JARID2: variants seen among roughly 807,000 people sequenced by gnomAD.
JARID2 encodes protein Jumonji.
In JARID2, 21 loss-of-function variants were observed where a neutral mutation model predicts 125.6. The ratio of observed to expected loss-of-function variants is 0.17; its 90% CI spans 0.12 to 0.24. The LOEUF (loss-of-function observed/expected upper bound fraction) is 0.24, where lower values mean the gene tolerates loss of function less well. Among genes scored for constraint, JARID2 ranks in the 10% least tolerant of loss-of-function variants. The pLI is 1.00. For missense variants in JARID2, 1,303 were observed against 1,639.6 expected (o/e 0.79, Z 3.55); for synonymous variants, 736 against 661.6 (o/e 1.11, Z -1.73).
At chr6:15,281,985 A>G (rs1278043144) in intron 1 of JARID2, among the ~76,000 whole-genome samples, 1 of 149,926 alleles carries the variant, frequency 6.7e-6, no homozygotes, top group East Asian at 2.0e-4. Context: ...AGTCTTGCTC[A>G]GTTGCCAAGG....
intron 5 of JARID2, among the ~76,000 whole-genome samples, chr6:15,475,244 C>A (rs757657476): frequency 6.6e-6 from 1 of 152,214 alleles, no homozygotes; most frequent in African/African-American, 2.4e-5. Context: ...TGAAACAGAT[C>A]TTCCTATAGA....
At chr6:15,300,737 G>C (rs1387037266) in intron 1 of JARID2, among the ~76,000 whole-genome samples, 2 of 150,402 alleles carry the variant, frequency 1.3e-5, no homozygotes, top group Non-Finnish European at 3.0e-5. Context: ...GAGAGAGAGA[G>C]AGAGAGAGAG....
rs757474594 is a variant in JARID2, at chr6:15,496,248, G to A, written c.1023G>A (p.Thr341=). The A allele has an allele frequency of 6.8e-6, 11 of 1,614,074 alleles. No individual in the cohort carries two copies. Among genetic ancestry groups the A allele is most frequent in the Non-Finnish European group, 9.3e-6 (11 of 1,180,038 alleles). ...SPSKTVKYTA[T]VTKGAVTYTK... ...CCAAAACTGTGAAGTACACTGCCAC[G>A]GTGACGAAGGGGGCTGTCACATACA... is the stretch of plus-strand genomic sequence containing the variant. Residue 341 remains threonine (T), a synonymous_variant, in exon 7 of 18, where the codon ACG becomes ACA. Coordinates refer to ENST00000341776, the MANE Select transcript of JARID2 (RefSeq NM_004973.4).
At chr6:15,397,813 A>G (rs1287183132) in intron 2 of JARID2, among the ~76,000 whole-genome samples, 1 of 152,144 alleles carries the variant, frequency 6.6e-6, no homozygotes, top group African/African-American at 2.4e-5. Context: ...TCTAAGAGAA[A>G]CTCTAGTGCA....
intron 3 of JARID2, among the ~76,000 whole-genome samples, chr6:15,445,057 T>C (rs1011740842): frequency 6.6e-6 from 1 of 152,126 alleles, no homozygotes; most frequent in African/African-American, 2.4e-5. Flanking sequence ...GAAATTGCTG[T>C]TGTGCCGCAG....
At chr6:15,309,649 T>G (rs1761948078) in intron 1 of JARID2, among the ~76,000 whole-genome samples, 1 of 152,078 alleles carries the variant, frequency 6.6e-6, no homozygotes, top group Non-Finnish European at 1.5e-5. Flanking sequence ...ATATAATATA[T>G]AAAGCATACA....
rs1770420427 is a variant in JARID2, at chr6:15,496,325, C to T, written c.1100C>T (p.Pro367Leu). 1.2e-6 allele frequency: 2 copies of T among 1,614,200 alleles called. No individual in the cohort carries two copies. Among genetic ancestry groups the T allele is most frequent in the African/African-American group, 1.3e-5 (1 of 75,044 alleles). ...VKDTKPNHHK[P>L]SSAVNHTISG... is the part of the protein sequence containing the mutation. ...GACACCAAACCCAATCACCACAAGC[C>T]CAGTTCCGCTGTCAACCACACAATC... The change falls in exon 7 of 18, where the codon CCC becomes CTC. Residue 367 changes from proline to leucine, a missense_variant. By Grantham distance (98) the Pro-to-Leu change is moderately conservative. Transcript: ENST00000341776.
rs186488359 is a variant in JARID2 at position 15,520,198 on chromosome 6, C to G, written c.3688C>G (p.Pro1230Ala). 6.2e-7 allele frequency: 1 copy of G among 1,613,524 alleles called. No homozygotes were observed. Among genetic ancestry groups the G allele is most frequent in the Non-Finnish European group, 8.5e-7 (1 of 1,179,750 alleles). The change falls in exon 18 of 18, where the codon CCC becomes GCC. Residue 1230 changes from proline (P) to alanine (A), a missense_variant. Around this residue, in one of 11 missense-constraint regions of JARID2, gnomAD observed 75 missense variants for 66.0 expected, o/e 1.14. Coordinates refer to ENST00000341776, the MANE Select transcript of JARID2 (RefSeq NM_004973.4). ...PRKRATVDVP[P>A]SRLSASSSSK... ...CAAGAGAGCGACAGTGGACGTGCCC[C>G]CCTCCCGTCTGTCAGCCTCCAGTTC... is the stretch of plus-strand genomic sequence containing the variant.
intron 2 of JARID2, among the ~76,000 whole-genome samples, chr6:15,389,534 C>T (rs1395223432): frequency 2.6e-5 from 4 of 152,216 alleles, no homozygotes; most frequent in African/African-American, 7.2e-5. Context: ...TAGGGGCTCC[C>T]CCAGCAGTGT....
intron 3 of JARID2, among the ~76,000 whole-genome samples, chr6:15,446,674 C>T (rs1029717728): frequency 1.3e-5 from 2 of 152,194 alleles, no homozygotes; most frequent in Non-Finnish European, 2.9e-5. Flanking sequence ...GGATCAAATC[C>T]GTAAATGGTC....
At chr6:15,374,448 G>A (rs1764277885) in intron 2 of JARID2, among the ~76,000 whole-genome samples, 196 bp downstream of exon 2, 1 of 152,186 alleles carries the variant, frequency 6.6e-6, no homozygotes, top group Non-Finnish European at 1.5e-5. Context: ...TATGTACCGC[G>A]TTATATAGTG....
At chr6:15,437,971 A>G (rs1238404946) in intron 3 of JARID2, among the ~76,000 whole-genome samples, 2 of 152,088 alleles carry the variant, frequency 1.3e-5, no homozygotes, top group South Asian at 2.1e-4. Flanking sequence ...AGAAGATAGA[A>G]TATTTTTGTC....
At chr6:15,485,105 C>T (rs1383425819) in intron 5 of JARID2, among the ~76,000 whole-genome samples, 1 of 152,228 alleles carries the variant, frequency 6.6e-6, no homozygotes, top group Non-Finnish European at 1.5e-5. Flanking sequence ...ATTTGAAACT[C>T]TCCATTTTCT....
intron 17 of JARID2, among the ~76,000 whole-genome samples, chr6:15,518,160 G>A (rs1040149679): frequency 2.0e-5 from 3 of 152,256 alleles, no homozygotes; most frequent in Admixed American, 1.3e-4. Context: ...TCCAGGCACA[G>A]TTGCAAATAA....
At chr6:15,347,795 A>G (rs924512369) in intron 1 of JARID2, among the ~76,000 whole-genome samples, 3 of 151,858 alleles carry the variant, frequency 2.0e-5, no homozygotes, top group Admixed American at 6.6e-5. Context: ...ATGGCTCACA[A>G]TAGCCTCTTC....
intron 3 of JARID2, among the ~76,000 whole-genome samples, chr6:15,441,812 A>G (rs1476583903): frequency 6.6e-6 from 1 of 151,604 alleles, no homozygotes; most frequent in African/African-American, 2.4e-5. Flanking sequence ...TATTTTTGAG[A>G]TGGAGTTTTG....
At chr6:15,386,647 T>C (rs1764800546) in intron 2 of JARID2, among the ~76,000 whole-genome samples, 1 of 152,194 alleles carries the variant, frequency 6.6e-6, no homozygotes, top group African/African-American at 2.4e-5. Flanking sequence ...ATGTATTTGC[T>C]CATTGTGGAG....
chr6:15,279,442 C>A (rs1760668565), intron 1 of JARID2, among the ~76,000 whole-genome samples: 1 of 152,158 alleles, frequency 6.6e-6, no homozygotes, highest in South Asian at 2.1e-4. Flanking sequence ...ATGTTTAGCC[C>A]CATGGCACGG....
chr6:15,249,837 A>G (rs1759371907), intron 1 of JARID2, among the ~76,000 whole-genome samples: 1 of 152,178 alleles, frequency 6.6e-6, no homozygotes, highest in African/African-American at 2.4e-5. Flanking sequence ...TCCTGTCTTA[A>G]TTGTGTTGAG....
Sources: gnomAD v4.1 joint callset for allele counts (sites outside exome capture counted in the v4.1 genomes callset) on GRCh38, gnomAD v4.1.1 for gene constraint, gnomAD v4.1.1 regional missense constraint, MANE v1.5 for transcripts, NCBI Gene and HGNC (gene_info 2026-07-23, HGNC 2026-07-21) for gene names.